DLGAP1: variants seen among roughly 807,000 people sequenced by gnomAD.
The protein encoded by DLGAP1 is disks large-associated protein 1.
DLGAP1 carries 11 observed loss-of-function variants against 90.8 expected under a neutral mutation model. That is an observed-to-expected ratio of 0.12 (90% CI 0.08 to 0.20). DLGAP1 has a LOEUF of 0.20. Among genes scored for constraint, DLGAP1 ranks in the 10% least tolerant of loss-of-function variants. The probability of loss-of-function intolerance (pLI) is 1.00; values close to 1 mark genes in which losing one functional copy is unlikely to be tolerated. For missense variants in DLGAP1, 1,050 were observed against 1,333.8 expected, an observed-to-expected ratio of 0.79 and a Z score of 3.31; for synonymous variants, 558 against 540.7, an observed-to-expected ratio of 1.03 and a Z score of -0.44.
chr18:4,314,584 ATCTC>A (rs2080480446), intron 1 of DLGAP1, among the ~76,000 whole-genome samples: 1 of 152,226 alleles, frequency 6.6e-6, no homozygotes, highest in Non-Finnish European at 1.5e-5. Context: ...TACAGCATGT[ATCTC>A]TCTAAAATAT....
rs942905864 is a variant in DLGAP1, at chr18:3,565,448, C to A, written c.2057+2042G>T. On this transcript the variant is annotated intron_variant, in intron 9 of 12. Transcript: ENST00000315677. The surrounding 1 kb of genome is among the most constrained non-coding windows in gnomAD (Gnocchi z 4.0). ...TACAGGCGTGAGCCATTGCCCATGT[C>A]CAGGAATATATTTTCTTTAATGTCT... Among the ~76,000 whole-genome samples the A allele has an allele frequency of 6.6e-6, 1 of 151,864 alleles. No homozygotes were observed. Among genetic ancestry groups the A allele is most frequent in the African/African-American group, 2.4e-5 (1 of 41,362 alleles).
At chr18:3,691,379 A>G (rs571992416) in intron 7 of DLGAP1, among the ~76,000 whole-genome samples, 3 of 151,538 alleles carry the variant, frequency 2.0e-5, no homozygotes. Flanking sequence ...AGTGAGCTAC[A>G]TCGCGCCACT....
intron 10 of DLGAP1, among the ~76,000 whole-genome samples, chr18:3,532,673 C>G (rs984641765): frequency 3.2e-4 from 49 of 152,174 alleles, no homozygotes; most frequent in African/African-American, 1.2e-3. Flanking sequence ...TAGCAATACT[C>G]TTTTAGATGC....
intron 1 of DLGAP1, among the ~76,000 whole-genome samples, chr18:4,435,741 T>G (rs1436927789): frequency 1.3e-5 from 2 of 152,204 alleles, no homozygotes; most frequent in African/African-American, 4.8e-5. Flanking sequence ...TCTGGAGAGA[T>G]AAAAGCTGCC....
At chr18:4,233,514 A>G (rs964756102) in intron 1 of DLGAP1, among the ~76,000 whole-genome samples, 4 of 152,160 alleles carry the variant, frequency 2.6e-5, no homozygotes, top group African/African-American at 9.7e-5. Context: ...CATTATATCA[A>G]CATGATTTAT....
rs1329556901 is a variant in DLGAP1, at chr18:3,600,953, T to TAGATATAG, written c.1592-18706_1592-18705insCTATATCT. Among the ~76,000 whole-genome samples the TAGATATAG allele has an allele frequency of 2.0e-4, 12 of 60,410 alleles. 3 individuals are homozygous for TAGATATAG. In the South Asian group the frequency reaches 2.1e-3, roughly 10 times the overall value. The allele number at this position is 60,410 out of a possible 152,430, so 39.6% of individuals were successfully genotyped here. A position where few individuals can be genotyped will look rare whatever the true frequency, so the allele number is the denominator to read the frequency against. On this transcript the variant is annotated intron_variant, in intron 7 of 12. Coordinates refer to ENST00000315677, the MANE Select transcript of DLGAP1 (RefSeq NM_004746.4). ...ATAGATATATAGATAGATATATAGA[T>TAGATATAG]ATATATAGATATATAGATAGATATA...
chr18:4,039,723 C>T (rs1054431462), intron 2 of DLGAP1, among the ~76,000 whole-genome samples: 7 of 152,228 alleles, frequency 4.6e-5, no homozygotes, highest in Middle Eastern at 3.4e-3. Flanking sequence ...ATAACACTAA[C>T]TTATTTGTTG....
chr18:4,072,561 C>T (rs1056347746), intron 2 of DLGAP1, among the ~76,000 whole-genome samples: 3 of 151,986 alleles, frequency 2.0e-5, no homozygotes, highest in African/African-American at 7.3e-5. Flanking sequence ...CCTCCACCTC[C>T]GGGTTTCAAG....
chr18:4,114,131 G>A (rs1568404223), intron 2 of DLGAP1, among the ~76,000 whole-genome samples: 1 of 136,358 alleles, frequency 7.3e-6, no homozygotes, highest in Non-Finnish European at 1.6e-5. Context: ...ATGAATTTTA[G>A]AATGGTTTTT....
At chr18:3,607,438 A>G (rs1244417144) in intron 7 of DLGAP1, 1 of 152,242 alleles carries the variant, frequency 6.6e-6, no homozygotes, top group East Asian at 1.9e-4. Flanking sequence ...GATTACAGGC[A>G]TAAGCCACTG....
intron 7 of DLGAP1, among the ~76,000 whole-genome samples, chr18:3,671,986 G>GT (rs1002195286): frequency 2.0e-5 from 3 of 151,896 alleles, no homozygotes; most frequent in African/African-American, 7.3e-5. Flanking sequence ...TATATTTCGT[G>GT]TTTTTTTCTT....
intron 5 of DLGAP1, among the ~76,000 whole-genome samples, chr18:3,788,884 G>C (rs2065588200): frequency 6.6e-6 from 1 of 152,216 alleles, no homozygotes; most frequent in Non-Finnish European, 1.5e-5. Flanking sequence ...GAACAAAACA[G>C]TGAAAACACA....
intron 1 of DLGAP1, among the ~76,000 whole-genome samples, chr18:4,333,769 A>G (rs1940452): frequency 0.012 from 1,835 of 150,634 alleles, 65 homozygotes; most frequent in African/African-American, 0.034. Flanking sequence ...ACAGGCGCCC[A>G]CCACCACGCC....
intron 7 of DLGAP1, among the ~76,000 whole-genome samples, chr18:3,594,900 C>A (rs2056489095): frequency 6.6e-6 from 1 of 152,176 alleles, no homozygotes; most frequent in Non-Finnish European, 1.5e-5. Flanking sequence ...AGGCCAGAAG[C>A]ACTGCTCATT....
chr18:3,560,997 C>A (rs2054057409), intron 9 of DLGAP1, among the ~76,000 whole-genome samples: 1 of 150,756 alleles, frequency 6.6e-6, no homozygotes, highest in Non-Finnish European at 1.5e-5. Flanking sequence ...CAATTCCTAC[C>A]ACTTATTCCT....
intron 3 of DLGAP1, among the ~76,000 whole-genome samples, chr18:3,898,792 C>CTAT (rs369621194): frequency 6.6e-6 from 1 of 151,980 alleles, no homozygotes; most frequent in Non-Finnish European, 1.5e-5. Flanking sequence ...AGTTATTCAT[C>CTAT]TATTATTATT....
chr18:3,527,642 G>A (rs1211075945), intron 10 of DLGAP1, among the ~76,000 whole-genome samples: 2 of 151,918 alleles, frequency 1.3e-5, no homozygotes, highest in East Asian at 3.9e-4. Context: ...CCAGGCTGGA[G>A]TGCAGTGGCA....
At chr18:4,356,348 T>C (rs1419271538) in intron 1 of DLGAP1, among the ~76,000 whole-genome samples, 1 of 152,146 alleles carries the variant, frequency 6.6e-6, no homozygotes. Context: ...TAGACTTGTA[T>C]CTAACAGCCA....
At chr18:3,974,463 G>A (rs2073527581) in intron 3 of DLGAP1, among the ~76,000 whole-genome samples, 1 of 152,142 alleles carries the variant, frequency 6.6e-6, no homozygotes, top group Non-Finnish European at 1.5e-5. Context: ...CCTAAGGGAA[G>A]CTTCAGATTT....
Sources: gnomAD v4.1 joint callset for allele counts (sites outside exome capture counted in the v4.1 genomes callset) on GRCh38, gnomAD v4.1.1 for gene constraint, Gnocchi (gnomAD v3.1) non-coding constraint, MANE v1.5 for transcripts, NCBI Gene and HGNC (gene_info 2026-07-23, HGNC 2026-07-21) for gene names.